The following BRINP2 variants were observed in gnomAD, a reference collection of about 807,000 sequenced individuals.
BRINP2 encodes BMP/retinoic acid-inducible neural-specific protein 2.
In BRINP2, 21 loss-of-function variants were observed where a neutral mutation model predicts 69.2. The observed-to-expected ratio is 0.30, with a 90% CI of 0.22 to 0.44. The LOEUF is 0.44. BRINP2 is among the 20% of genes least tolerant of loss of function. The pLI, the probability that BRINP2 is intolerant of heterozygous loss-of-function variation, is 1.00. For missense variants in BRINP2, 877 were observed against 986.0 expected (o/e 0.89, Z 1.48); for synonymous variants, 380 against 394.1 (o/e 0.96, Z 0.42).
chr1:177,260,400 G>C (rs555091044), intron 4 of BRINP2, among the ~76,000 whole-genome samples: 1 of 152,332 alleles, frequency 6.6e-6, no homozygotes, highest in African/African-American at 2.4e-5. Context: ...TGACAACAAA[G>C]AGTTTAGAAT....
At chr1:177,183,006 C>G (rs778926148) in intron 1 of BRINP2, among the ~76,000 whole-genome samples, 1 of 149,906 alleles carries the variant, frequency 6.7e-6, no homozygotes, top group Non-Finnish European at 1.5e-5. Context: ...GTCTCAAACT[C>G]TCAGTGCAGG....
chr1:177,251,292 G>A (rs1650573382), intron 2 of BRINP2, among the ~76,000 whole-genome samples: 1 of 152,154 alleles, frequency 6.6e-6, no homozygotes, highest in African/African-American at 2.4e-5. Context: ...GCTATGTTTT[G>A]AATATACAAT....
intron 2 of BRINP2, among the ~76,000 whole-genome samples, chr1:177,246,247 T>C (rs967662807): frequency 2.6e-5 from 4 of 152,180 alleles, no homozygotes; most frequent in Non-Finnish European, 5.9e-5. Flanking sequence ...CTGGGAAATA[T>C]GACAAAGGTG....
chr1:177,265,042 T>C (rs777088631), intron 4 of BRINP2, among the ~76,000 whole-genome samples: 27 of 152,202 alleles, frequency 1.8e-4, no homozygotes, highest in Admixed American at 5.2e-4. Context: ...TCATGCTACC[T>C]GACTTCAAAC....
intron 2 of BRINP2, among the ~76,000 whole-genome samples, chr1:177,244,115 T>C (rs1035654467): frequency 6.6e-6 from 1 of 152,118 alleles, no homozygotes; most frequent in African/African-American, 2.4e-5. Context: ...AAGTTAAAAA[T>C]GTCAATGTCA....
intron 2 of BRINP2, among the ~76,000 whole-genome samples, chr1:177,239,739 G>A (rs763955947): frequency 4.6e-5 from 7 of 152,198 alleles, no homozygotes; most frequent in Non-Finnish European, 1.0e-4. Flanking sequence ...AGGCACTCAG[G>A]TGAAGCAGTG....
chr1:177,256,876 T>G lies in BRINP2; in HGVS notation c.461-300T>G, dbSNP rs544907162. On this transcript the variant is annotated intron_variant, in intron 3 of 7. Coordinates refer to ENST00000361539, the MANE Select transcript of BRINP2 (RefSeq NM_021165.4). ...TCGTAAACAACTTGAGAGAGAGAAT[T>G]GTGTCTCCCCTATGAAGATGGATTG... 6.2e-5 allele frequency: 75 copies of G among 1,209,232 alleles called. No homozygotes were observed. The African/African-American group carries it at 1.1e-3, about 18-fold the overall frequency. 74.9% of individuals were successfully genotyped at this position (1,209,232 alleles called of 1,614,324 possible).
At chr1:177,187,368 C>T (rs1267889418) in intron 1 of BRINP2, among the ~76,000 whole-genome samples, 2 of 152,214 alleles carry the variant, frequency 1.3e-5, no homozygotes, top group Non-Finnish European at 2.9e-5. Context: ...TCCTTGGCTA[C>T]TTTATGAACT....
intron 2 of BRINP2, among the ~76,000 whole-genome samples, chr1:177,245,415 G>C (rs1354252194): frequency 6.6e-6 from 1 of 152,154 alleles, no homozygotes; most frequent in Non-Finnish European, 1.5e-5. Context: ...TACCAGAGGG[G>C]CTATTTCTTT....
At chr1:177,194,362 T>C (rs1648675844) in intron 1 of BRINP2, among the ~76,000 whole-genome samples, 1 of 152,200 alleles carries the variant, frequency 6.6e-6, no homozygotes, top group Admixed American at 6.5e-5. Context: ...TTGTTTGTTA[T>C]CCACCATCCA....
At chr1:177,278,438 G>T in intron 6 of BRINP2, 125 bp from the exon 7 acceptor site, 1 of 804,276 alleles carries the variant, frequency 1.2e-6, no homozygotes. Context: ...CCAGGGAAAT[G>T]GGTGTGCAGC....
chr1:177,276,977 G>A (rs1328292866), intron 6 of BRINP2, among the ~76,000 whole-genome samples: 1 of 149,272 alleles, frequency 6.7e-6, no homozygotes, highest in Non-Finnish European at 1.5e-5. Flanking sequence ...TTCCTCATCT[G>A]AAAAAGAGGG....
rs1163540593 is a variant in BRINP2 at position 177,281,764 on chromosome 1, C to T, written c.*236C>T. 10 of 422,236 alleles carry T rather than the reference C, an allele frequency of 2.4e-5. No homozygotes were observed. Among genetic ancestry groups the T allele is most frequent in the East Asian group, 7.4e-5 (2 of 27,038 alleles). The allele number at this position is 422,236 out of a possible 1,614,324, so 26.2% of individuals were successfully genotyped here. The stretch of plus-strand genomic sequence containing the variant: ...CTGGCACAGGGAGGCTACAACTAAG[C>T]AGCCTCAGATCTGTAAAGTTGATTG... On this transcript the variant is annotated 3_prime_UTR_variant, in exon 8 of 8. Transcript: ENST00000361539.
At chr1:177,173,451 C>G (rs1044061051) in intron 1 of BRINP2, among the ~76,000 whole-genome samples, 3 of 152,202 alleles carry the variant, frequency 2.0e-5, no homozygotes, top group Non-Finnish European at 4.4e-5. Flanking sequence ...ATTCTTGACT[C>G]TTACTTCCCC....
chr1:177,252,824 T>A (rs887788763), intron 2 of BRINP2, among the ~76,000 whole-genome samples: 2 of 152,148 alleles, frequency 1.3e-5, no homozygotes, highest in Non-Finnish European at 2.9e-5. Flanking sequence ...TATGTGGTAT[T>A]TGTCTTTCTA....
chr1:177,210,429 C>G (rs1649190392), intron 1 of BRINP2, among the ~76,000 whole-genome samples: 1 of 152,042 alleles, frequency 6.6e-6, no homozygotes, highest in Admixed American at 6.6e-5. Flanking sequence ...AAAGAGTACA[C>G]TGCTCTTCAT....
intron 1 of BRINP2, among the ~76,000 whole-genome samples, chr1:177,225,140 C>T (rs1041793980): frequency 6.6e-5 from 10 of 152,298 alleles, no homozygotes; most frequent in African/African-American, 2.2e-4. Flanking sequence ...GGTAGAGACA[C>T]GATTCCTATA....
At chr1:177,255,847 C>G in intron 2 of BRINP2, 72 bp from the exon 3 acceptor site, 11 of 1,457,300 alleles carry the variant, frequency 7.5e-6, no homozygotes, top group Non-Finnish European at 9.5e-6. Flanking sequence ...AAGAACATTA[C>G]CTACTTCAGA....
At chr1:177,234,859 A>G (rs1649969860) in intron 2 of BRINP2, among the ~76,000 whole-genome samples, 1 of 152,222 alleles carries the variant, frequency 6.6e-6, no homozygotes, top group Non-Finnish European at 1.5e-5. Flanking sequence ...TGGGATATGT[A>G]TGCAGATTTG....
Sources: allele counts gnomAD v4.1 joint callset (sites outside exome capture counted in the v4.1 genomes callset), GRCh38; gene constraint gnomAD v4.1.1; transcripts MANE v1.5; gene names NCBI Gene and HGNC (gene_info 2026-07-23, HGNC 2026-07-21).